SPOP: variants seen among roughly 807,000 people sequenced by gnomAD.
SPOP encodes speckle-type POZ protein.
A neutral mutation model predicts 45.6 loss-of-function variants in SPOP; 11 were observed. The ratio of observed to expected loss-of-function variants is 0.24; its 90% CI spans 0.15 to 0.40. The LOEUF (loss-of-function observed/expected upper bound fraction) is 0.40. Ranked by LOEUF, SPOP falls within the 10% of genes least tolerant of loss-of-function variation. The probability of loss-of-function intolerance (pLI) is 1.00; values close to 1 mark genes in which losing one functional copy is unlikely to be tolerated. For missense variants in SPOP, 152 were observed against 465.6 expected (o/e 0.33, Z 6.20); for synonymous variants, 166 against 166.3 (o/e 1.00, Z 0.01).
At chr17:49,654,700 G>A (rs1209987512) in intron 1 of SPOP, among the ~76,000 whole-genome samples, 2 of 152,102 alleles carry the variant, frequency 1.3e-5, no homozygotes, top group African/African-American at 2.4e-5. Flanking sequence ...CAGAAGAATC[G>A]CCTTAACCTG....
rs1442009162 is a variant in SPOP, at chr17:49,600,279, T to TA, written c.*98dup. 3 of 1,509,618 alleles carry TA rather than the reference T, an allele frequency of 2.0e-6. No homozygotes were observed. Among genetic ancestry groups the TA allele is most frequent in the East Asian group, 4.5e-5 (2 of 44,208 alleles). 93.5% of individuals were successfully genotyped at this position (1,509,618 alleles called of 1,614,324 possible). A position where few individuals can be genotyped will look rare whatever the true frequency, so the allele number is the denominator to read the frequency against. On this transcript the variant is annotated 3_prime_UTR_variant, in exon 10 of 10. Coordinates refer to ENST00000504102, the MANE Select transcript of SPOP (RefSeq NM_001007228.2). The surrounding 1 kb of genome is among the most constrained non-coding windows in gnomAD (Gnocchi z 4.2). ...GCAGTCTCTTCCCCTCACAACAGAGTAAAAGCTCCACAGATTGCGCTGTCT... is the reference window on the plus strand; with the variant it reads ...GCAGTCTCTTCCCCTCACAACAGAGTAAAAAGCTCCACAGATTGCGCTGTCT...
intron 1 of SPOP, among the ~76,000 whole-genome samples, chr17:49,633,807 T>C (rs1311006960): frequency 6.6e-6 from 1 of 152,164 alleles, no homozygotes; most frequent in Non-Finnish European, 1.5e-5. Context: ...TTACTTTTAA[T>C]TTAGGCACAA....
rs151268403 is a variant in SPOP, at chr17:49,675,575, A to G, written c.-67+2358T>C. 4.6e-5 allele frequency among the ~76,000 whole-genome samples: 7 copies of G among 152,360 alleles called. No homozygotes were observed. The East Asian group carries it at 1.3e-3, about 29-fold the overall frequency. On this transcript the variant is annotated intron_variant, in intron 1 of 9. Coordinates refer to ENST00000504102, the MANE Select transcript of SPOP (RefSeq NM_001007228.2). ...TTTGAATTTTGTTTCATATGTATGTACATGTGTTAACCCATTTTAAACAAT... is the reference window on the plus strand; with the variant it reads ...TTTGAATTTTGTTTCATATGTATGTGCATGTGTTAACCCATTTTAAACAAT...
At chr17:49,636,914 A>G (rs2072552268) in intron 1 of SPOP, 1 of 152,192 alleles carries the variant, frequency 6.6e-6, no homozygotes, top group African/African-American at 2.4e-5. Flanking sequence ...TCACAAAAGC[A>G]GGTGATATAT....
At chr17:49,626,321 A>G (rs1286015541) in intron 1 of SPOP, among the ~76,000 whole-genome samples, 2 of 152,144 alleles carry the variant, frequency 1.3e-5, no homozygotes, top group Non-Finnish European at 2.9e-5. Context: ...TCCCTTTGCT[A>G]TAATTCTCTC....
intron 1 of SPOP, among the ~76,000 whole-genome samples, chr17:49,665,906 C>CA (rs2073051561): frequency 6.6e-6 from 1 of 151,214 alleles, no homozygotes. Flanking sequence ...ATTGCCTGAA[C>CA]CCAGGAGGCG....
chr17:49,654,039 A>T (rs1441245171), intron 1 of SPOP, among the ~76,000 whole-genome samples: 1 of 152,138 alleles, frequency 6.6e-6, no homozygotes, highest in Non-Finnish European at 1.5e-5. Flanking sequence ...ATGTGAATTT[A>T]AATGTACAAC....
chr17:49,639,097 C>A (rs1415887993), intron 1 of SPOP, among the ~76,000 whole-genome samples: 1 of 152,196 alleles, frequency 6.6e-6, no homozygotes, highest in Non-Finnish European at 1.5e-5. Flanking sequence ...AGACAAGGTT[C>A]CCAACCCTCT....
At chr17:49,665,231 A>G (rs749837879) in intron 1 of SPOP, among the ~76,000 whole-genome samples, 4 of 152,150 alleles carry the variant, frequency 2.6e-5, no homozygotes, top group African/African-American at 4.8e-5. Flanking sequence ...CAGTTACTAG[A>G]TAAGGAAGGT....
At chr17:49,615,825 C>A (rs1271006411) in intron 5 of SPOP, among the ~76,000 whole-genome samples, 1 of 152,034 alleles carries the variant, frequency 6.6e-6, no homozygotes, top group Admixed American at 6.6e-5. Context: ...GCTGACATGA[C>A]CCTCGCACTA....
At chr17:49,632,469 CTTAAG>C (rs2072468442) in intron 1 of SPOP, among the ~76,000 whole-genome samples, 2 of 151,808 alleles carry the variant, frequency 1.3e-5, no homozygotes, top group Non-Finnish European at 1.5e-5. Context: ...AAGCTAAACT[CTTAAG>C]TTATTTCAAG....
chr17:49,633,745 C>T (rs1481421690), intron 1 of SPOP, among the ~76,000 whole-genome samples: 2 of 152,252 alleles, frequency 1.3e-5, no homozygotes, highest in South Asian at 2.1e-4. Context: ...ACTCAAACAC[C>T]TTGTAGGACT....
At chr17:49,676,951 T>C (rs1175108635) in intron 1 of SPOP, among the ~76,000 whole-genome samples, 3 of 152,228 alleles carry the variant, frequency 2.0e-5, no homozygotes, top group Non-Finnish European at 2.9e-5. Context: ...AGTTTCAGAT[T>C]GCTTTCCGAT....
At chr17:49,673,456 A>G (rs1471691095) in intron 1 of SPOP, among the ~76,000 whole-genome samples, 1 of 152,116 alleles carries the variant, frequency 6.6e-6, no homozygotes, top group Non-Finnish European at 1.5e-5. Context: ...CAGTGAGCCA[A>G]GATCGCGCCA....
rs114912177 is a variant in SPOP, at chr17:49,670,982, C to T, written c.-67+6951G>A. Among the ~76,000 whole-genome samples, 481 of 152,232 alleles carry T rather than the reference C, an allele frequency of 3.2e-3. 4 individuals carry two copies. Among genetic ancestry groups the T allele is most frequent in the African/African-American group, 0.011 (454 of 41,544 alleles). ...TGTTTTTATATAATAATAAAACCGC[C>T]ACATCCCAAAGCTTAGAAACACACA... On this transcript the variant is annotated intron_variant, in intron 1 of 9. Coordinates refer to ENST00000504102, the MANE Select transcript of SPOP (RefSeq NM_001007228.2).
chr17:49,638,276 A>G (rs559056426), intron 1 of SPOP, among the ~76,000 whole-genome samples: 2 of 152,294 alleles, frequency 1.3e-5, no homozygotes, highest in South Asian at 4.1e-4. Context: ...TGCATAAATC[A>G]TGGGTAAATG....
chr17:49,644,291 C>T (rs1040912399), intron 1 of SPOP, among the ~76,000 whole-genome samples: 4 of 152,206 alleles, frequency 2.6e-5, no homozygotes, highest in African/African-American at 9.7e-5. Flanking sequence ...TTCAGAGCCT[C>T]TCATTCTCTG....
Position 49,619,323 on chromosome 17 carries a change from A to C in SPOP, c.263T>G (p.Leu88Arg). 1 of 1,614,182 alleles carries C rather than the reference A, an allele frequency of 6.2e-7. No individual in the cohort carries two copies. Among genetic ancestry groups the C allele is most frequent in the Non-Finnish European group, 8.5e-7 (1 of 1,180,024 alleles). The change falls in exon 4 of 10, where the codon CTG (leucine) becomes CGG (arginine). Residue 88 changes from leucine to arginine, a missense_variant. Leu to Arg is a moderately radical substitution (Grantham distance 102). Transcript: ENST00000504102. This position sits in a 1 kb window ranked among gnomAD's most constrained non-coding sequence, Gnocchi z 4.9. ...ACTCTTTGGACAGCTGACCAGTAAC[A>C]GGTAAAGTGACAGGTAATCTTTGCT... The part of the protein sequence containing the change: ...EESKDYLSLY[L>R]LLVSCPKSEV...
intron 1 of SPOP, 46 bp downstream of exon 1, chr17:49,677,887 C>A (rs942928642): frequency 6.2e-6 from 2 of 323,812 alleles, no homozygotes; most frequent in African/African-American, 4.8e-5. Context: ...CCCCCCCCCA[C>A]TCCGACAGGA....
Sources: allele counts gnomAD v4.1 joint callset (sites outside exome capture counted in the v4.1 genomes callset), GRCh38; gene constraint gnomAD v4.1.1; non-coding constraint Gnocchi (gnomAD v3.1); transcripts MANE v1.5; gene names NCBI Gene and HGNC (gene_info 2026-07-23, HGNC 2026-07-21).